C16orf46: variants seen among roughly 807,000 people sequenced by gnomAD.
C16orf46 encodes chromosome 16 open reading frame 46, also known as uncharacterized protein C16orf46.
In C16orf46, 7 loss-of-function variants were observed where a neutral mutation model predicts 5.5. The observed-to-expected ratio is 1.28, with a 90% confidence interval of 0.73 to 2.40. The LOEUF is 2.40. Ranked by LOEUF, C16orf46 falls within the 30% of genes most tolerant of loss-of-function variation. C16orf46 has a pLI of 0.00. For missense variants in C16orf46, 614 were observed against 476.0 expected, an observed-to-expected ratio of 1.29 and a Z score of -2.70; for synonymous variants, 200 against 184.1, an observed-to-expected ratio of 1.09 and a Z score of -0.70.
At chr16:81,065,556 A>G (rs373405615) in intron 2 of C16orf46, among the ~76,000 whole-genome samples, 4 of 151,900 alleles carry the variant, frequency 2.6e-5, no homozygotes, top group African/African-American at 9.7e-5. Flanking sequence ...AGGCTGCAGA[A>G]ATTAACTAGA....
At chr16:81,064,861 C>A (rs968656992) in intron 2 of C16orf46, among the ~76,000 whole-genome samples, 18 of 152,144 alleles carry the variant, frequency 1.2e-4, no homozygotes, top group African/African-American at 4.1e-4. Flanking sequence ...AAGGAACAAA[C>A]CCTGCCAAAA....
intron 3 of C16orf46, 150 bp downstream of exon 3, chr16:81,063,596 A>G: frequency 7.6e-6 from 5 of 661,094 alleles, no homozygotes; most frequent in Non-Finnish European, 1.3e-5. Context: ...TGCTCTTATC[A>G]TCAGTAATAT....
At chr16:81,057,171 G>A (rs1971322264), downstream of C16orf46, among the ~76,000 whole-genome samples, 1 of 152,168 alleles carries the variant, frequency 6.6e-6, no homozygotes, top group South Asian at 2.1e-4. Context: ...AGATAGGCCA[G>A]GTGATGGGGT....
At chr16:81,069,581 A>G (rs1376586877) in intron 1 of C16orf46, among the ~76,000 whole-genome samples, 4 of 152,174 alleles carry the variant, frequency 2.6e-5, no homozygotes, top group Non-Finnish European at 5.9e-5. Flanking sequence ...TTCCTTCTAT[A>G]TCTCCAGGAG....
At chr16:81,071,867 C>G (rs998467438) in intron 1 of C16orf46, 1 of 152,238 alleles carries the variant, frequency 6.6e-6, no homozygotes, top group Non-Finnish European at 1.5e-5. Flanking sequence ...TGAGAGACAG[C>G]TACTGCTGCC....
Position 81,061,120 on chromosome 16 carries a change from T to G in C16orf46, c.*41A>C. ...AGAAGAAAGAGAAAGGATGGCTGCA[T>G]CTCAAACGGTGCTTATTCCCAGGGG... is the stretch of plus-strand genomic sequence containing the variant. On this transcript the variant is annotated 3_prime_UTR_variant, in exon 4 of 4. Transcript: ENST00000299578. 6.5e-7 allele frequency: 1 copy of G among 1,535,930 alleles called. No individual in the cohort carries two copies.
At chr16:81,053,641 T>C (rs1420963288) in exon 4 of C16orf46, 2 of 155,976 alleles carry the variant, frequency 1.3e-5, no homozygotes, top group African/African-American at 4.8e-5. Context: ...CATACTTTAC[T>C]TGGAAGCAAG....
At chr16:81,056,632 G>T (rs370041721), downstream of C16orf46, among the ~76,000 whole-genome samples, 1 of 149,674 alleles carries the variant, frequency 6.7e-6, no homozygotes. Flanking sequence ...GGAGAGGGAG[G>T]TTGCAGTGAG....
At chr16:81,068,717 T>A (rs9937996) in intron 1 of C16orf46, among the ~76,000 whole-genome samples, 2,231 of 151,764 alleles carry the variant, frequency 0.015, 46 homozygotes, top group African/African-American at 0.05. Context: ...TATATATATT[T>A]TTTAGACCAA....
downstream of C16orf46, among the ~76,000 whole-genome samples, chr16:81,056,749 T>C (rs1971307979): frequency 6.7e-6 from 1 of 149,034 alleles, no homozygotes; most frequent in Admixed American, 6.7e-5. Flanking sequence ...TGCTTCTTTC[T>C]AGAAAGGACC....
intron 1 of C16orf46, among the ~76,000 whole-genome samples, chr16:81,072,734 C>A (rs1971899113): frequency 6.6e-6 from 1 of 150,402 alleles, no homozygotes; most frequent in African/African-American, 2.5e-5. Context: ...CAGAGTCTCA[C>A]TCTCTTGCCC....
At chr16:81,076,209 A>C (rs1972034885) in intron 1 of C16orf46, among the ~76,000 whole-genome samples, 1 of 152,230 alleles carries the variant, frequency 6.6e-6, no homozygotes, top group Non-Finnish European at 1.5e-5. Context: ...TAGGTCCTGA[A>C]GACTGACCTG....
At chr16:81,057,993 G>A, downstream of C16orf46, 1 of 169,646 alleles carries the variant, frequency 5.9e-6, no homozygotes, top group South Asian at 1.4e-4. Context: ...TTGTGCCATT[G>A]CACTCCAGCT....
intron 1 of C16orf46, among the ~76,000 whole-genome samples, chr16:81,066,813 T>C (rs1446353194): frequency 2.0e-5 from 3 of 152,216 alleles, no homozygotes; most frequent in Non-Finnish European, 2.9e-5. Flanking sequence ...GGATAAAGCA[T>C]ACATCAAAGT....
chr16:81,065,817 A>ATTTTGTTTTG (rs67787866), intron 2 of C16orf46, among the ~76,000 whole-genome samples: 1,830 of 149,764 alleles, frequency 0.012, 46 homozygotes, highest in African/African-American at 0.042. Flanking sequence ...TAGTTTTTTT[A>ATTTTGTTTTG]TTTTGTTTTG....
In C16orf46 at chr16:81,063,726, T is replaced by C. The variant is rs1206248661; in HGVS notation, c.210+20A>G. 6.3e-7 allele frequency: 1 copy of C among 1,590,902 alleles called. No individual in the cohort carries two copies. The highest frequency in any genetic ancestry group is 8.6e-7 in the Non-Finnish European group (1 of 1,161,836). On this transcript the variant is annotated intron_variant, in intron 3 of 3. Transcript: ENST00000299578. ...TGATGTGCGAGAGACAGAAAAGCTG[T>C]GACTCAGAAAGATACTCACTGCCTC...
chr16:81,061,137 TC>T lies in C16orf46; in HGVS notation c.*23del. ...TGGCTGCATCTCAAACGGTGCTTAT[TC>T]CCAGGGGTTCTACCGCAACCGCTCA... On this transcript the variant is annotated 3_prime_UTR_variant, in exon 4 of 4. Coordinates refer to ENST00000299578, the MANE Select transcript of C16orf46 (RefSeq NM_152337.3). The T allele has an allele frequency of 6.4e-7, 1 of 1,558,004 alleles. No individual in the cohort carries two copies. The highest frequency in any genetic ancestry group is 1.7e-4 in the Middle Eastern group (1 of 5,772).
chr16:81,072,050 T>C (rs1027574459), intron 1 of C16orf46: 5 of 152,238 alleles, frequency 3.3e-5, no homozygotes, highest in Non-Finnish European at 7.3e-5. Context: ...ACAATGACCC[T>C]GGGGGTCAGA....
downstream of C16orf46, among the ~76,000 whole-genome samples, chr16:81,057,020 G>T (rs570828467): frequency 6.6e-6 from 1 of 152,070 alleles, no homozygotes; most frequent in South Asian, 2.1e-4. Context: ...TACATTTTTC[G>T]TTGTCATGAC....
Sources: allele counts gnomAD v4.1 joint callset (sites outside exome capture counted in the v4.1 genomes callset), GRCh38; gene constraint gnomAD v4.1.1; transcripts MANE v1.5; gene names NCBI Gene and HGNC (gene_info 2026-07-23, HGNC 2026-07-21).